MYO3B: variants seen among roughly 807,000 people sequenced by gnomAD.
MYO3B encodes the protein myosin-IIIb.
In MYO3B, 156 loss-of-function variants were observed where a neutral mutation model predicts 174.6. The observed-to-expected ratio is 0.89, with a 90% CI of 0.78 to 1.02. MYO3B has a LOEUF of 1.02. Among genes scored for constraint, MYO3B ranks in the 50% least tolerant of loss-of-function variants. The probability of loss-of-function intolerance (pLI) is 0.00; values close to 1 mark genes in which losing one functional copy is unlikely to be tolerated. For missense variants in MYO3B, 1,632 were observed against 1,639.4 expected (o/e 1.00, Z 0.08); for synonymous variants, 563 against 569.1 (o/e 0.99, Z 0.15).
At chr2:170,221,759 G>T (rs1373633379) in intron 6 of MYO3B, among the ~76,000 whole-genome samples, 1 of 151,788 alleles carries the variant, frequency 6.6e-6, no homozygotes, top group Non-Finnish European at 1.5e-5. Flanking sequence ...AAAAGATGGG[G>T]TCTTACCATG....
intron 32 of MYO3B, among the ~76,000 whole-genome samples, chr2:170,615,100 G>C (rs1027738471): frequency 6.6e-6 from 1 of 152,086 alleles, no homozygotes; most frequent in African/African-American, 2.4e-5. Flanking sequence ...ACTTTCCTCT[G>C]TTTTGCCCCC....
chr2:170,652,621 T>C (rs1032939419), intron 34 of MYO3B, among the ~76,000 whole-genome samples: 2 of 152,156 alleles, frequency 1.3e-5, no homozygotes, highest in African/African-American at 4.8e-5. Context: ...AGAACAGCAA[T>C]GAAGTACATA....
chr2:170,424,929 A>G (rs926533678), intron 22 of MYO3B, among the ~76,000 whole-genome samples: 3 of 152,250 alleles, frequency 2.0e-5, no homozygotes, highest in Non-Finnish European at 2.9e-5. Context: ...ATTCATAGAA[A>G]AGAAAAATGT....
intron 32 of MYO3B, among the ~76,000 whole-genome samples, chr2:170,623,931 T>C (rs1227851092): frequency 2.0e-5 from 3 of 152,164 alleles, no homozygotes; most frequent in African/African-American, 7.2e-5. Flanking sequence ...CATTGGTCTA[T>C]ATTTCTGTTT....
chr2:170,231,039 G>A (rs1040311506), intron 6 of MYO3B, among the ~76,000 whole-genome samples: 9 of 152,210 alleles, frequency 5.9e-5, no homozygotes, highest in Admixed American at 5.2e-4. Context: ...CCATTTTCTG[G>A]CTGGTGGCTA....
intron 21 of MYO3B, 43 bp downstream of exon 21, chr2:170,405,676 G>A: frequency 1.3e-6 from 2 of 1,543,606 alleles, no homozygotes; most frequent in East Asian, 2.2e-5. Context: ...TTTGGCAAAG[G>A]GTAAGTGTCT....
intron 21 of MYO3B, among the ~76,000 whole-genome samples, chr2:170,406,888 T>G (rs2094512850): frequency 1.3e-5 from 2 of 152,118 alleles, no homozygotes; most frequent in Non-Finnish European, 1.5e-5. Flanking sequence ...CATCCTTGAG[T>G]GATCACTCAG....
intron 20 of MYO3B, 139 bp downstream of exon 20, chr2:170,404,539 T>C: frequency 1.3e-6 from 1 of 799,224 alleles, no homozygotes; most frequent in Non-Finnish European, 1.9e-6. Flanking sequence ...TTCTTTTTCA[T>C]TGAATTGAAG....
chr2:170,315,601 C>T lies in MYO3B; in HGVS notation c.750-19784C>T, dbSNP rs112192191. Among the ~76,000 whole-genome samples, 751 of 152,204 alleles carry T rather than the reference C, an allele frequency of 4.9e-3. 10 individuals carry two copies. The highest frequency in any genetic ancestry group is 0.017 in the African/African-American group (706 of 41,534). On this transcript the variant is annotated intron_variant, in intron 7 of 34. Coordinates refer to ENST00000408978, the MANE Select transcript of MYO3B (RefSeq NM_138995.5). The stretch of plus-strand genomic sequence containing the variant: ...GATTACAGGTGTGAGCCATCGTGCC[C>T]GGCCTTATAATTCTTAATAATAGGG...
At chr2:170,527,059 T>C (rs1023860155) in intron 30 of MYO3B, among the ~76,000 whole-genome samples, 6 of 152,252 alleles carry the variant, frequency 3.9e-5, no homozygotes, top group Admixed American at 2.6e-4. Context: ...TTGCCAGTCC[T>C]GTCTTTACCT....
chr2:170,316,784 CCT>C (rs2093778824), intron 7 of MYO3B, among the ~76,000 whole-genome samples: 1 of 152,200 alleles, frequency 6.6e-6, no homozygotes, highest in Non-Finnish European at 1.5e-5. Flanking sequence ...CTTGAACAGT[CCT>C]CTGAGTCCCA....
chr2:170,627,006 G>A (rs1696499618), intron 32 of MYO3B, among the ~76,000 whole-genome samples: 1 of 151,950 alleles, frequency 6.6e-6, no homozygotes, highest in Admixed American at 6.6e-5. Context: ...CAACTTTGGT[G>A]TATCTGACAA....
intron 6 of MYO3B, among the ~76,000 whole-genome samples, chr2:170,229,321 T>G (rs976831096): frequency 6.6e-6 from 1 of 152,238 alleles, no homozygotes; most frequent in Non-Finnish European, 1.5e-5. Context: ...GATTAATAGC[T>G]TTAGGTCTGT....
At chr2:170,630,257 C>T (rs1417923072) in intron 32 of MYO3B, among the ~76,000 whole-genome samples, 1 of 152,218 alleles carries the variant, frequency 6.6e-6, no homozygotes, top group Admixed American at 6.5e-5. Context: ...AGATTATATC[C>T]TGCACTTGGC....
intron 25 of MYO3B, among the ~76,000 whole-genome samples, chr2:170,483,276 A>T (rs35531123): frequency 1.3e-5 from 2 of 152,126 alleles, no homozygotes; most frequent in East Asian, 3.9e-4. Context: ...AAGAGAAAAG[A>T]CATTATGAAG....
intron 25 of MYO3B, among the ~76,000 whole-genome samples, chr2:170,492,623 C>G (rs1304856985): frequency 6.6e-6 from 1 of 152,180 alleles, no homozygotes; most frequent in Non-Finnish European, 1.5e-5. Context: ...TTCAGAAATA[C>G]AGAGCTCATG....
chr2:170,597,182 C>A (rs1694206507), intron 32 of MYO3B, among the ~76,000 whole-genome samples: 1 of 151,958 alleles, frequency 6.6e-6, no homozygotes, highest in Non-Finnish European at 1.5e-5. Context: ...AGCAGCCTGG[C>A]CAACGTGGTG....
In MYO3B at chr2:170,443,975, GC is replaced by G. The variant is rs1462381932; in HGVS notation, c.2662del (p.Gln888ArgfsTer6). On this transcript the variant is annotated frameshift_variant, in exon 23 of 35. Transcript: ENST00000408978. LOFTEE classifies it high-confidence loss of function. ...TGTGGTCTCTTTCTCAGGTAATTTG[GC>G]CCAGACAAGAGCTAGGATAACAGTG... ...SIPLTKTGNLAQTRARITVAS... is the reference protein window; with the variant it reads ...SIPLTKTGNLXQTRARITVAS... The G allele has an allele frequency of 6.8e-6, 11 of 1,608,698 alleles. No individual in the cohort carries two copies. The highest frequency in any genetic ancestry group is 9.4e-6 in the Non-Finnish European group (11 of 1,176,372).
intron 6 of MYO3B, among the ~76,000 whole-genome samples, chr2:170,230,462 T>C (rs1283730974): frequency 6.7e-6 from 1 of 148,262 alleles, no homozygotes; most frequent in African/African-American, 2.5e-5. Context: ...ATTATAGGCG[T>C]GAGCCACCAC....
Sources: allele counts gnomAD v4.1 joint callset (sites outside exome capture counted in the v4.1 genomes callset), GRCh38; gene constraint gnomAD v4.1.1; transcripts MANE v1.5; gene names NCBI Gene and HGNC (gene_info 2026-07-23, HGNC 2026-07-21).